Variants in SGCD observed in about 807,000 individuals in gnomAD.
The protein encoded by SGCD is delta-sarcoglycan.
A neutral mutation model predicts 36.6 loss-of-function variants in SGCD; 18 were observed. The observed-to-expected ratio is 0.49, with a 90% CI of 0.34 to 0.73. The LOEUF is 0.73. Ranked by LOEUF, SGCD falls within the 30% of genes least tolerant of loss-of-function variation. The pLI, the probability that SGCD is intolerant of heterozygous loss-of-function variation, is 0.01. For missense variants in SGCD, 387 were observed against 346.7 expected, an observed-to-expected ratio of 1.12 and a Z score of -0.92; for synonymous variants, 133 against 130.6, an observed-to-expected ratio of 1.02 and a Z score of -0.12.
the SGCD span, among the ~76,000 whole-genome samples, chr5:155,812,177 C>G: frequency 2.0e-5 from 3 of 152,152 alleles, no homozygotes; most frequent in African/African-American, 7.2e-5. Flanking sequence ...AAAGCAGTGG[C>G]AAGATGAGGG....
At chr5:156,503,230 G>A (rs1581087749) in intron 3 of SGCD, among the ~76,000 whole-genome samples, 1 of 152,164 alleles carries the variant, frequency 6.6e-6, no homozygotes, top group Admixed American at 6.5e-5. Flanking sequence ...CTGTCTTACA[G>A]GATGGGATTT....
At chr5:156,009,798 C>T (rs529076556) in intron 1 of SGCD, among the ~76,000 whole-genome samples, 1 of 152,240 alleles carries the variant, frequency 6.6e-6, no homozygotes, top group South Asian at 2.1e-4. Context: ...ACTCTGACGC[C>T]ACTGAACTTC....
chr5:156,300,040 C>T (rs1767012328), intron 3 of SGCD, among the ~76,000 whole-genome samples: 1 of 151,952 alleles, frequency 6.6e-6, no homozygotes, highest in African/African-American at 2.4e-5. Flanking sequence ...TCAGTTTTTT[C>T]CCCATTCAGT....
intron 1 of SGCD, among the ~76,000 whole-genome samples, chr5:155,944,335 T>C (rs916366699): frequency 2.6e-5 from 4 of 152,238 alleles, no homozygotes; most frequent in Non-Finnish European, 4.4e-5. Context: ...CACATTCTTA[T>C]GAACGATGAT....
chr5:156,410,972 A>G (rs1360075008), intron 3 of SGCD, among the ~76,000 whole-genome samples: 6 of 152,178 alleles, frequency 3.9e-5, no homozygotes, highest in Admixed American at 6.5e-5. Flanking sequence ...ACCTTATTAT[A>G]CTAGTCTGTA....
intron 1 of SGCD, among the ~76,000 whole-genome samples, chr5:155,969,535 ATTTGAATTG>A (rs1757967842): frequency 6.6e-6 from 1 of 152,136 alleles, no homozygotes; most frequent in African/African-American, 2.4e-5. Context: ...GAGACATTGA[ATTTGAATTG>A]TTTTAGCACA....
chr5:156,189,816 A>G (rs189363443), intron 3 of SGCD, among the ~76,000 whole-genome samples: 2 of 152,196 alleles, frequency 1.3e-5, no homozygotes, highest in East Asian at 3.9e-4. Context: ...TGTGACAGGA[A>G]TTTTTTTTGA....
Position 156,296,512 on chromosome 5 carries a change from G to A in SGCD, c.-43-33022G>A, listed in dbSNP as rs547765752. ...ACTGCATTTTCATTTGTCTCTAAGT[G>A]TTTTCTAATGCCTCTTGTGATTTAC... is the stretch of plus-strand genomic sequence containing the variant. On this transcript the variant is annotated intron_variant, in intron 3 of 9. Transcript: ENST00000517913. Among the ~76,000 whole-genome samples, 4 of 152,186 alleles carry A rather than the reference G, an allele frequency of 2.6e-5. No homozygotes were observed. The South Asian group carries it at 6.2e-4, about 24-fold the overall frequency.
the SGCD span, among the ~76,000 whole-genome samples, chr5:155,817,901 A>T: frequency 6.6e-6 from 1 of 152,218 alleles, no homozygotes; most frequent in South Asian, 2.1e-4. Flanking sequence ...TACTTGACAA[A>T]ATAGTCTATG....
intron 3 of SGCD, among the ~76,000 whole-genome samples, chr5:156,314,106 G>A (rs1016987034): frequency 2.0e-5 from 3 of 151,792 alleles, no homozygotes; most frequent in South Asian, 2.1e-4. Flanking sequence ...AGAGTGCTTA[G>A]GGAAAAAGCC....
At chr5:156,408,351 A>G (rs1772536878) in intron 3 of SGCD, among the ~76,000 whole-genome samples, 2 of 149,126 alleles carry the variant, frequency 1.3e-5, no homozygotes, top group Non-Finnish European at 1.5e-5. Flanking sequence ...GGAGGAACCC[A>G]AGTTGGATTT....
chr5:156,249,260 A>T (rs1278726159), intron 3 of SGCD, among the ~76,000 whole-genome samples: 2 of 152,194 alleles, frequency 1.3e-5, no homozygotes. Flanking sequence ...AGGACAGGCC[A>T]CAAAAATAGG....
intron 6 of SGCD, among the ~76,000 whole-genome samples, chr5:156,639,829 A>C (rs769078589): frequency 2.7e-5 from 4 of 147,182 alleles, no homozygotes; most frequent in Admixed American, 6.8e-5. Context: ...TTCTACCTCT[A>C]TTCTCATGTT....
chr5:155,833,054 G>GAAAAA, the SGCD span, among the ~76,000 whole-genome samples: 3 of 120,162 alleles, frequency 2.5e-5, no homozygotes, highest in African/African-American at 8.8e-5. Flanking sequence ...CTAAAAATAC[G>GAAAAA]AAAAAAAAAA....
intron 1 of SGCD, among the ~76,000 whole-genome samples, chr5:155,909,402 A>G (rs971869835): frequency 7.2e-5 from 11 of 152,270 alleles, no homozygotes; most frequent in Admixed American, 5.2e-4. Context: ...GTAAATATCT[A>G]TAAATAACTA....
chr5:156,158,214 C>T (rs955689230), intron 3 of SGCD, among the ~76,000 whole-genome samples: 3 of 151,498 alleles, frequency 2.0e-5, no homozygotes, highest in Non-Finnish European at 4.4e-5. Context: ...ATAAGGGTTT[C>T]GAATTTTACT....
chr5:156,494,917 T>C (rs948951857), intron 3 of SGCD, among the ~76,000 whole-genome samples: 1 of 152,136 alleles, frequency 6.6e-6, no homozygotes, highest in African/African-American at 2.4e-5. Flanking sequence ...AGACAACTTA[T>C]TGGACCTCCA....
At chr5:155,890,612 G>C (rs1276652130) in intron 1 of SGCD, among the ~76,000 whole-genome samples, 2 of 140,422 alleles carry the variant, frequency 1.4e-5, no homozygotes, top group Non-Finnish European at 3.0e-5. Flanking sequence ...TTTCTAAATA[G>C]ATAGGTAGGT....
At chr5:156,630,556 A>G (rs1324729691) in intron 6 of SGCD, among the ~76,000 whole-genome samples, 1 of 152,200 alleles carries the variant, frequency 6.6e-6, no homozygotes, top group Non-Finnish European at 1.5e-5. Flanking sequence ...GTCATAGACC[A>G]TTGGGTTTTA....
Sources: allele counts gnomAD v4.1 joint callset (sites outside exome capture counted in the v4.1 genomes callset), GRCh38; gene constraint gnomAD v4.1.1; transcripts MANE v1.5; gene names NCBI Gene and HGNC (gene_info 2026-07-23, HGNC 2026-07-21).